Variants in COA1 observed in about 807,000 individuals in gnomAD.
COA1 encodes the protein cytochrome c oxidase assembly factor 1 homolog.
In COA1, 13 loss-of-function variants were observed where a neutral mutation model predicts 16.0. The ratio of observed to expected loss-of-function variants is 0.81; its 90% CI spans 0.53 to 1.29. The LOEUF (loss-of-function observed/expected upper bound fraction) is 1.29. Among genes scored for constraint, COA1 ranks in the 50% most tolerant of loss-of-function variants. COA1 has a pLI of 0.00. For missense variants in COA1, 179 were observed against 177.0 expected, an observed-to-expected ratio of 1.01 and a Z score of -0.06; for synonymous variants, 65 against 65.7, an observed-to-expected ratio of 0.99 and a Z score of 0.05.
intron 6 of COA1, among the ~76,000 whole-genome samples, chr7:43,633,892 C>T (rs2085440909): frequency 6.6e-6 from 1 of 151,976 alleles, no homozygotes; most frequent in South Asian, 2.1e-4. Context: ...TAGCTAGAGG[C>T]CCACAGGTAC....
At chr7:43,729,060 G>A (rs895011767) in intron 1 of COA1, among the ~76,000 whole-genome samples, 2 of 152,230 alleles carry the variant, frequency 1.3e-5, no homozygotes, top group African/African-American at 4.8e-5. Context: ...AATTTGGGCA[G>A]CGTACTCCTC....
At chr7:43,697,613 A>G (rs1671752599) in intron 1 of COA1, among the ~76,000 whole-genome samples, 2 of 152,206 alleles carry the variant, frequency 1.3e-5, no homozygotes, top group Non-Finnish European at 2.9e-5. Flanking sequence ...ATTTCTTTCC[A>G]AACTTCATAA....
intron 1 of COA1, chr7:43,650,293 G>A (rs2090484185): frequency 6.6e-6 from 1 of 152,100 alleles, no homozygotes. Flanking sequence ...TGCCGCAAAA[G>A]GGTGGTTTCT....
rs1563380465 is a variant in COA1 at position 43,691,252 on chromosome 7, A to AAAGAAAGAAAGAAAGAAAAG, written c.-39+38176_-39+38177insCTTTTCTTTCTTTCTTTCTT. Among the ~76,000 whole-genome samples the AAAGAAAGAAAGAAAGAAAAG allele has an allele frequency of 5.3e-4, 35 of 65,426 alleles. 7 individuals carry two copies. Among genetic ancestry groups the AAAGAAAGAAAGAAAGAAAAG allele is most frequent in the African/African-American group, 3.2e-3 (35 of 11,106 alleles). 42.9% of individuals were successfully genotyped at this position (65,426 alleles called of 152,430 possible). A position where few individuals can be genotyped will look rare whatever the true frequency, so the allele number is the denominator to read the frequency against. ...TGACAAAGCAAGACCTTGACTCAAA[A>AAAGAAAGAAAGAAAGAAAAG]AAAGAAAGAAAGAAAAGAAAGAAAG... On this transcript the variant is annotated intron_variant, in intron 1 of 5. Coordinates refer to ENST00000223336, the MANE Select transcript of COA1 (RefSeq NM_018224.4).
chr7:43,608,732 T>A (rs1017702825), exon 7 of COA1: 6 of 176,432 alleles, frequency 3.4e-5, no homozygotes, highest in Non-Finnish European at 7.1e-5. Context: ...TTAGGAATAT[T>A]TGTGATGTGT....
At chr7:43,641,367 A>ATGAT (rs1193479782) in intron 4 of COA1, 1 of 151,848 alleles carries the variant, frequency 6.6e-6, no homozygotes, top group Non-Finnish European at 1.5e-5. Flanking sequence ...ACTCTACTTA[A>ATGAT]TGATATATGT....
chr7:43,632,475 G>C (rs1008939966), intron 6 of COA1: 2 of 152,196 alleles, frequency 1.3e-5, no homozygotes, highest in Admixed American at 6.5e-5. Context: ...GCTCTTGATG[G>C]CATCTAGAAT....
chr7:43,713,315 C>T (rs1439590939), intron 1 of COA1, among the ~76,000 whole-genome samples: 2 of 152,124 alleles, frequency 1.3e-5, no homozygotes, highest in South Asian at 2.1e-4. Context: ...TCATCTCACG[C>T]ACTTATCACT....
At chr7:43,655,904 G>C (rs1039134928) in intron 1 of COA1, 2 of 152,162 alleles carry the variant, frequency 1.3e-5, no homozygotes, top group Non-Finnish European at 2.9e-5. Flanking sequence ...TGGTTATCCT[G>C]CTAGTGGGGT....
At chr7:43,710,348 C>CAAAAAAAA (rs1165121530) in intron 1 of COA1, among the ~76,000 whole-genome samples, 7 of 52,446 alleles carry the variant, frequency 1.3e-4, no homozygotes, top group Admixed American at 2.8e-4. Flanking sequence ...GACTCTGTCT[C>CAAAAAAAA]AAAAAAAAAA....
chr7:43,624,911 C>G, intron 6 of COA1: 3 of 1,318,206 alleles, frequency 2.3e-6, no homozygotes, highest in Non-Finnish European at 3.1e-6. Flanking sequence ...GGACCTCTGG[C>G]CAAATGGTAC....
chr7:43,620,245 A>C (rs2083738710), intron 6 of COA1, among the ~76,000 whole-genome samples: 1 of 152,252 alleles, frequency 6.6e-6, no homozygotes, highest in Non-Finnish European at 1.5e-5. Context: ...TAGGCGTATC[A>C]TCAAAGAAGT....
At chr7:43,687,686 A>G in intron 1 of COA1, among the ~76,000 whole-genome samples, 1 of 152,230 alleles carries the variant, frequency 6.6e-6, no homozygotes. Flanking sequence ...GACCTAATCC[A>G]AAAAGAAAAT....
chr7:43,657,882 A>T (rs2091950732), intron 1 of COA1, among the ~76,000 whole-genome samples: 1 of 152,186 alleles, frequency 6.6e-6, no homozygotes, highest in Non-Finnish European at 1.5e-5. Flanking sequence ...AGATACAGAG[A>T]AGGCAAATAA....
chr7:43,694,197 A>G (rs934197134), intron 1 of COA1, among the ~76,000 whole-genome samples: 1 of 147,980 alleles, frequency 6.8e-6, no homozygotes, highest in East Asian at 2.0e-4. Flanking sequence ...ATGAATCATC[A>G]ATTTCCCCCT....
chr7:43,700,554 A>C (rs988250449), intron 1 of COA1, among the ~76,000 whole-genome samples: 12 of 149,526 alleles, frequency 8.0e-5, no homozygotes, highest in Non-Finnish European at 1.8e-4. Context: ...ATATACATAC[A>C]CGTATATATA....
intron 1 of COA1, among the ~76,000 whole-genome samples, chr7:43,689,769 T>A (rs904683485): frequency 1.3e-5 from 2 of 152,200 alleles, no homozygotes; most frequent in Non-Finnish European, 2.9e-5. Flanking sequence ...AATGGAAGTA[T>A]GTTGTTGTAA....
At chr7:43,692,245 G>A (rs777913707) in intron 1 of COA1, among the ~76,000 whole-genome samples, 2 of 152,136 alleles carry the variant, frequency 1.3e-5, no homozygotes, top group Non-Finnish European at 2.9e-5. Flanking sequence ...TGGGCCAGGC[G>A]CAGTGGCTCA....
chr7:43,646,528 A>G (rs1024566841), intron 3 of COA1: 7 of 456,254 alleles, frequency 1.5e-5, no homozygotes, highest in Non-Finnish European at 2.6e-5. Context: ...AGATTCAACC[A>G]TTCAACCCAG....
Sources: gnomAD v4.1 joint callset for allele counts (sites outside exome capture counted in the v4.1 genomes callset) on GRCh38, gnomAD v4.1.1 for gene constraint, MANE v1.5 for transcripts, NCBI Gene and HGNC (gene_info 2026-07-23, HGNC 2026-07-21) for gene names.